ABCD4: variants seen among roughly 807,000 people sequenced by gnomAD.
ABCD4 encodes ATP binding cassette subfamily D member 4.
A neutral mutation model predicts 86.3 loss-of-function variants in ABCD4; 53 were observed. The ratio of observed to expected loss-of-function variants is 0.61; its 90% CI spans 0.49 to 0.77. The LOEUF (loss-of-function observed/expected upper bound fraction) is 0.77, where lower values mean the gene tolerates loss of function less well. Ranked by LOEUF, ABCD4 falls within the 30% of genes least tolerant of loss-of-function variation. ABCD4 has a pLI of 0.00. For missense variants in ABCD4, 757 were observed against 764.5 expected (o/e 0.99, Z 0.12); for synonymous variants, 328 against 313.6 (o/e 1.05, Z -0.49).
In ABCD4 at chr14:74,285,369, CAGGCCCAG is replaced by C. The variant is rs1441658016; in HGVS notation, c.*1084_*1091del. On this transcript the variant is annotated 3_prime_UTR_variant, in exon 19 of 19. Coordinates refer to ENST00000356924, the MANE Select transcript of ABCD4 (RefSeq NM_005050.4). The stretch of plus-strand genomic sequence containing the variant: ...TCTTTTTTACAAAATGAACAAGCCT[CAGGCCCAG>C]AGTCTATGCAGGCAACAGCATCTAG... The C allele has an allele frequency of 1.3e-5, 2 of 152,202 alleles. No homozygotes were observed. Among genetic ancestry groups the C allele is most frequent in the Non-Finnish European group, 2.9e-5 (2 of 68,042 alleles). 9.4% of individuals were successfully genotyped at this position (152,202 alleles called of 1,614,324 possible).
At chr14:74,296,114 A>C (rs2082781643) in intron 5 of ABCD4, 135 bp from the exon 6 acceptor site, 1 of 1,265,764 alleles carries the variant, frequency 7.9e-7, no homozygotes, top group Non-Finnish European at 1.1e-6. Context: ...CTCTGCTCCT[A>C]TGTGGGGGCA....
chr14:74,290,225 G>A (rs1025552237), intron 12 of ABCD4, 66 bp downstream of exon 12: 20 of 1,610,286 alleles, frequency 1.2e-5, no homozygotes, highest in South Asian at 6.6e-5. Context: ...CTACCACACC[G>A]TCCCCGCCTT....
At chr14:74,294,933 T>C (rs1209200124) in intron 7 of ABCD4, 2 of 593,080 alleles carry the variant, frequency 3.4e-6, no homozygotes, top group East Asian at 5.7e-5. Context: ...AGACTAAAGC[T>C]GGCCACAGTA....
Position 74,299,848 on chromosome 14 carries a change from G to C in ABCD4, c.158-173C>G. On this transcript the variant is annotated intron_variant, in intron 2 of 18. Coordinates refer to ENST00000356924, the MANE Select transcript of ABCD4 (RefSeq NM_005050.4). ...AGGCTGAGGCGGGTGTATCACCTGA[G>C]GTCATGAGTTCGAGATCAGCCTGGC... is the stretch of plus-strand genomic sequence containing the variant. 3 of 619,720 alleles carry C rather than the reference G, an allele frequency of 4.8e-6. No homozygotes were observed. The East Asian group carries it at 8.8e-5, about 18-fold the overall frequency. 38.4% of individuals were successfully genotyped at this position (619,720 alleles called of 1,614,324 possible).
intron 17 of ABCD4, among the ~76,000 whole-genome samples, 159 bp from the exon 18 acceptor site, chr14:74,286,975 A>C (rs112337128): frequency 2.2e-3 from 330 of 152,272 alleles, no homozygotes; most frequent in Non-Finnish European, 3.8e-3. Context: ...GGGCCAGAGG[A>C]GCAGAGGGCC....
chr14:74,288,744 A>G lies in ABCD4; in HGVS notation c.1478T>C (p.Ile493Thr), dbSNP rs749308023. The change falls in exon 15 of 19, where the codon ATC becomes ACC. Residue 493 changes from isoleucine to threonine, a missense_variant. Transcript: ENST00000356924. ...GCCTGCCAATTCCAAGAACCTCAAG[A>G]TCCTCTCATCATCGGCAGAACCTGC... ...PDSGSADDER[I>T]LRFLELAGLS... 24 of 1,613,616 alleles carry G rather than the reference A, an allele frequency of 1.5e-5. No homozygotes were observed. In the East Asian group the frequency reaches 5.3e-4, roughly 36 times the overall value.
At chr14:74,299,270 G>A in intron 3 of ABCD4, 1 of 301,432 alleles carries the variant, frequency 3.3e-6, no homozygotes. Context: ...AGAGTTCTAG[G>A]AAGGAAAGGG....
In ABCD4 at chr14:74,286,700, C is replaced by A; in HGVS notation, c.1752+1G>T. The A allele has an allele frequency of 1.2e-6, 2 of 1,614,104 alleles. No homozygotes were observed. The highest frequency in any genetic ancestry group is 1.7e-6 in the Non-Finnish European group (2 of 1,180,030). ...CAGGCCATCCTTGTGAGCACGGGTA[C>A]CTTCTCAAGGCTCTGCCGATGTCCC... On this transcript the variant is annotated splice_donor_variant, in intron 18 of 18. Coordinates refer to ENST00000356924, the MANE Select transcript of ABCD4 (RefSeq NM_005050.4). LOFTEE classifies it high-confidence loss of function.
At chr14:74,289,612 T>C in intron 13 of ABCD4, 93 bp from the exon 14 acceptor site, 1 of 1,552,972 alleles carries the variant, frequency 6.4e-7, no homozygotes, top group Non-Finnish European at 8.7e-7. Context: ...CACTGGAACC[T>C]CCCAAGGAGG....
intron 7 of ABCD4, chr14:74,294,842 C>G (rs2082433826): frequency 2.4e-6 from 1 of 413,048 alleles, no homozygotes; most frequent in African/African-American, 2.0e-5. Context: ...AGAGCAGAGG[C>G]AGACGGATGT....
intron 16 of ABCD4, 146 bp from the exon 17 acceptor site, chr14:74,288,032 C>T (rs2080307920): frequency 1.9e-6 from 2 of 1,026,808 alleles, no homozygotes; most frequent in African/African-American, 1.6e-5. Context: ...CATAGGCCTA[C>T]AGCCCTCACA....
At chr14:74,291,625 C>A (rs2081508972) in intron 11 of ABCD4, among the ~76,000 whole-genome samples, 1 of 152,162 alleles carries the variant, frequency 6.6e-6, no homozygotes, top group Admixed American at 6.5e-5. Flanking sequence ...CTCATGGTTG[C>A]ATGAAGCTTT....
intron 1 of ABCD4, among the ~76,000 whole-genome samples, chr14:74,302,395 T>C (rs1175728519): frequency 1.3e-5 from 2 of 152,162 alleles, no homozygotes; most frequent in Non-Finnish European, 2.9e-5. Context: ...GATTTCAAAG[T>C]AACACTTGCA....
intron 11 of ABCD4, 101 bp from the exon 12 acceptor site, chr14:74,290,600 G>A (rs1025960060): frequency 2.1e-5 from 18 of 865,518 alleles, no homozygotes; most frequent in Admixed American, 9.4e-5. Flanking sequence ...GATTATTATG[G>A]GCTGACTTGC....
At chr14:74,302,822 C>A in intron 1 of ABCD4, 53 bp downstream of exon 1, 1 of 1,571,330 alleles carries the variant, frequency 6.4e-7, no homozygotes, top group East Asian at 2.4e-5. Context: ...AAGCCCATTC[C>A]CTACAGCCCG....
chr14:74,300,593 C>CA (rs576021856), intron 1 of ABCD4, among the ~76,000 whole-genome samples: 1,092 of 50,642 alleles, frequency 0.022, 8 homozygotes, highest in African/African-American at 0.044. Context: ...AACTCCGTCT[C>CA]AAAAAAAAAA....
chr14:74,289,169 GGGGT>G, intron 14 of ABCD4: 1 of 1,261,214 alleles, frequency 7.9e-7, no homozygotes, highest in Non-Finnish European at 9.9e-7. Context: ...GGATGATGCA[GGGGT>G]GGGGGCCTCA....
intron 3 of ABCD4, 193 bp downstream of exon 3, chr14:74,299,355 G>A (rs897088036): frequency 4.8e-6 from 3 of 622,492 alleles, no homozygotes; most frequent in Non-Finnish European, 8.1e-6. Flanking sequence ...AACATCTGAG[G>A]AATCAGTCCC....
rs187728872 is a variant in ABCD4 at position 74,289,722 on chromosome 14, C to G, written c.1420-203G>C. ...CCTTCAGAAGTGTGTTTAGGGGGAA[C>G]AGTCTGACAGCCTCCTGAGGGCAGG... On this transcript the variant is annotated intron_variant, in intron 13 of 18. Coordinates refer to ENST00000356924, the MANE Select transcript of ABCD4 (RefSeq NM_005050.4). 4.5e-4 allele frequency: 651 copies of G among 1,435,878 alleles called. 6 individuals are homozygous for G. In the African/African-American group the frequency reaches 8.6e-3, roughly 19 times the overall value. The allele number at this position is 1,435,878 out of a possible 1,614,324, so 88.9% of individuals were successfully genotyped here.
Sources: gnomAD v4.1 joint callset for allele counts (sites outside exome capture counted in the v4.1 genomes callset) on GRCh38, gnomAD v4.1.1 for gene constraint, MANE v1.5 for transcripts, NCBI Gene and HGNC (gene_info 2026-07-23, HGNC 2026-07-21) for gene names.